Variants in TBC1D5 observed in about 807,000 individuals in gnomAD.
TBC1D5 encodes the protein TBC1 domain family, member 5.
Under a neutral mutation model 100.3 loss-of-function variants are expected in TBC1D5, and 75 were observed. The observed-to-expected ratio is 0.75, with a 90% CI of 0.62 to 0.91. The LOEUF is 0.91. Among genes scored for constraint, TBC1D5 ranks in the 40% least tolerant of loss-of-function variants. TBC1D5 has a pLI of 0.00. For missense variants in TBC1D5, 910 were observed against 942.4 expected, an observed-to-expected ratio of 0.97 and a Z score of 0.45; for synonymous variants, 323 against 325.6, an observed-to-expected ratio of 0.99 and a Z score of 0.09.
intron 2 of TBC1D5, among the ~76,000 whole-genome samples, chr3:17,587,641 C>T (rs1048208172): frequency 3.3e-5 from 5 of 151,950 alleles, no homozygotes; most frequent in African/African-American, 7.2e-5. Flanking sequence ...AAGAGAACTA[C>T]GCATTACATT....
intron 2 of TBC1D5, among the ~76,000 whole-genome samples, chr3:17,583,529 CA>C (rs2096713289): frequency 6.6e-6 from 1 of 152,096 alleles, no homozygotes; most frequent in South Asian, 2.1e-4. Flanking sequence ...AGTTCAAAAC[CA>C]GCCTTGGCAA....
chr3:17,610,877 C>T (rs1012341320), intron 2 of TBC1D5, among the ~76,000 whole-genome samples: 1 of 151,928 alleles, frequency 6.6e-6, no homozygotes, highest in Non-Finnish European at 1.5e-5. Flanking sequence ...ATTAGCTGGG[C>T]AAGCTGCGTG....
chr3:17,417,362 A>C (rs576090337), intron 4 of TBC1D5, among the ~76,000 whole-genome samples: 117 of 131,098 alleles, frequency 8.9e-4, no homozygotes, highest in South Asian at 5.7e-3. Context: ...CCACAACAGT[A>C]ACCAGAGTGT....
intron 1 of TBC1D5, among the ~76,000 whole-genome samples, chr3:17,735,089 T>G (rs775427157): frequency 6.6e-6 from 1 of 152,082 alleles, no homozygotes; most frequent in Non-Finnish European, 1.5e-5. Context: ...CAAGACCTTG[T>G]CTTAAAAAAA....
chr3:17,628,326 C>T (rs914270527), intron 1 of TBC1D5, among the ~76,000 whole-genome samples: 2 of 151,360 alleles, frequency 1.3e-5, no homozygotes, highest in Admixed American at 1.3e-4. Flanking sequence ...GCCAAGATCA[C>T]GCCACTGCAC....
intron 14 of TBC1D5, among the ~76,000 whole-genome samples, chr3:17,294,754 C>T (rs113956004): frequency 1.3e-5 from 2 of 152,194 alleles, no homozygotes; most frequent in African/African-American, 4.8e-5. Context: ...AAGTTCACTG[C>T]TTTCAGATAA....
intron 16 of TBC1D5, among the ~76,000 whole-genome samples, chr3:17,254,806 A>T (rs2733495): frequency 0.5 from 71,006 of 142,724 alleles, 18,820 homozygotes; most frequent in African/African-American, 0.67. Context: ...GTTTGATGAT[A>T]TACTAGAAGA....
At chr3:17,681,496 A>C (rs1318922173) in intron 1 of TBC1D5, among the ~76,000 whole-genome samples, 2 of 151,562 alleles carry the variant, frequency 1.3e-5, no homozygotes, top group Admixed American at 6.6e-5. Flanking sequence ...AAAAAAATTA[A>C]CTTACTCTCA....
intron 3 of TBC1D5, among the ~76,000 whole-genome samples, chr3:17,428,963 A>C (rs1017752496): frequency 2.6e-5 from 4 of 151,976 alleles, no homozygotes; most frequent in Non-Finnish European, 5.9e-5. Context: ...AATTTAGTAA[A>C]CAGAGGTAAA....
intron 1 of TBC1D5, among the ~76,000 whole-genome samples, chr3:17,705,730 G>GGC (rs1223306740): frequency 7.2e-6 from 1 of 139,298 alleles, no homozygotes; most frequent in Non-Finnish European, 1.6e-5. Context: ...TAGATGGGAT[G>GGC]GCGGCCGGGC....
At chr3:17,625,278 T>C (rs997274080) in intron 1 of TBC1D5, among the ~76,000 whole-genome samples, 1 of 152,036 alleles carries the variant, frequency 6.6e-6, no homozygotes, top group Admixed American at 6.6e-5. Flanking sequence ...GAACTCTGAA[T>C]TACACTTTGA....
chr3:17,533,665 T>C (rs1045499643), intron 2 of TBC1D5, among the ~76,000 whole-genome samples: 1 of 152,202 alleles, frequency 6.6e-6, no homozygotes, highest in East Asian at 1.9e-4. Flanking sequence ...TCAAAAGGTC[T>C]TTAGCACTTA....
exon 18 of TBC1D5, chr3:17,214,241 C>T (rs747450199): frequency 9.9e-6 from 16 of 1,612,870 alleles, no homozygotes; most frequent in East Asian, 8.9e-5. Context: ...GCTGTGTGAG[C>T]GAGAACGTGA....
At chr3:17,331,879 G>A (rs1404221009) in intron 13 of TBC1D5, among the ~76,000 whole-genome samples, 1 of 152,218 alleles carries the variant, frequency 6.6e-6, no homozygotes, top group Non-Finnish European at 1.5e-5. Context: ...TCAAAGACCA[G>A]TGTGACTAGG....
intron 2 of TBC1D5, among the ~76,000 whole-genome samples, chr3:17,537,778 T>C (rs1331142678): frequency 6.6e-6 from 1 of 152,250 alleles, no homozygotes; most frequent in Non-Finnish European, 1.5e-5. Context: ...ATTATATGTA[T>C]ATACCACATT....
At chr3:17,360,216 T>C (rs1490494402) in intron 13 of TBC1D5, among the ~76,000 whole-genome samples, 1 of 152,072 alleles carries the variant, frequency 6.6e-6, no homozygotes, top group Non-Finnish European at 1.5e-5. Context: ...TTATTTTTCC[T>C]GACCCTTGTT....
chr3:17,494,006 C>CT (rs1459502356), intron 3 of TBC1D5, among the ~76,000 whole-genome samples: 3 of 152,184 alleles, frequency 2.0e-5, no homozygotes, highest in African/African-American at 7.2e-5. Flanking sequence ...AAGAGGCACT[C>CT]TGACTAGTTT....
At chr3:17,406,725 A>G (rs1199844513) in intron 4 of TBC1D5, 199 bp from the exon 5 acceptor site, 1 of 527,368 alleles carries the variant, frequency 1.9e-6, no homozygotes, top group Non-Finnish European at 3.3e-6. Flanking sequence ...ATATGTAGAT[A>G]GCTATAATTA....
intron 13 of TBC1D5, among the ~76,000 whole-genome samples, chr3:17,356,260 G>A (rs2091203164): frequency 6.6e-6 from 1 of 152,130 alleles, no homozygotes; most frequent in Non-Finnish European, 1.5e-5. Context: ...AGCTTTTGCT[G>A]AAATAGCAGG....
Sources: gnomAD v4.1 joint callset for allele counts (sites outside exome capture counted in the v4.1 genomes callset) on GRCh38, gnomAD v4.1.1 for gene constraint, MANE v1.5 for transcripts, NCBI Gene and HGNC (gene_info 2026-07-23, HGNC 2026-07-21) for gene names.